The following IP6K2 variants were observed in gnomAD, a reference collection of about 807,000 sequenced individuals.
IP6K2 encodes the protein ATP:1D-myo-inositol-hexakisphosphate phosphotransferase.
IP6K2 carries 9 observed loss-of-function variants against 43.3 expected under a neutral mutation model. The observed-to-expected ratio is 0.21, with a 90% CI of 0.13 to 0.36. The LOEUF (loss-of-function observed/expected upper bound fraction) is 0.36. Ranked by LOEUF, IP6K2 falls within the 10% of genes least tolerant of loss-of-function variation. The pLI, the probability that IP6K2 is intolerant of heterozygous loss-of-function variation, is 1.00. For synonymous variants in IP6K2, 209 were observed against 202.4 expected (o/e 1.03, Z -0.28); for missense variants, 332 against 538.4 (o/e 0.62, Z 3.79).
chr3:48,699,950 G>T (rs1173472473), intron 1 of IP6K2, among the ~76,000 whole-genome samples: 1 of 152,210 alleles, frequency 6.6e-6, no homozygotes, highest in Admixed American at 6.5e-5. Context: ...AGCACTTTGG[G>T]AGGCCAAGAT....
chr3:48,688,655 C>T lies in IP6K2; in HGVS notation c.899G>A (p.Arg300His), dbSNP rs2077522031. 4.3e-6 allele frequency: 7 copies of T among 1,614,096 alleles called. No homozygotes were observed. The highest frequency in any genetic ancestry group is 5.9e-6 in the Non-Finnish European group (7 of 1,180,054). The change falls in exon 6 of 6, where the codon CGC becomes CAC. Residue 300 changes from arginine to histidine, a missense_variant. Coordinates refer to ENST00000328631, the MANE Select transcript of IP6K2 (RefSeq NM_016291.4). This position sits in a 1 kb window ranked among gnomAD's most constrained non-coding sequence, Gnocchi z 5.1. ...GAGCACAGGGCCCAGGAGTTCACGG[C>T]GCAGGTACCGCCCATTGTGGAAGAA... Reference protein sequence around the residue: ...FQFFHNGRYLRRELLGPVLKK... With the variant: ...FQFFHNGRYLHRELLGPVLKK...
At chr3:48,712,910 G>A (rs1188464845) in intron 1 of IP6K2, among the ~76,000 whole-genome samples, 1 of 151,990 alleles carries the variant, frequency 6.6e-6, no homozygotes, top group Non-Finnish European at 1.5e-5. Flanking sequence ...CTACTTAGGA[G>A]GCTGAGGCAA....
At chr3:48,705,623 A>T (rs2079633266) in intron 1 of IP6K2, among the ~76,000 whole-genome samples, 1 of 151,488 alleles carries the variant, frequency 6.6e-6, no homozygotes, top group Admixed American at 6.6e-5. Context: ...ACTGCACTCC[A>T]GCCTGGATGA....
intron 1 of IP6K2, chr3:48,711,339 C>T (rs937084791): frequency 2.0e-5 from 3 of 152,178 alleles, no homozygotes; most frequent in African/African-American, 7.2e-5. Context: ...TCTGGCCTTC[C>T]CAGTGTAAAT....
rs114730105 is a variant in IP6K2, at chr3:48,693,417, C to T, written c.203-238G>A. 2.2e-3 allele frequency: 2,987 copies of T among 1,339,468 alleles called. 38 individuals are homozygous for T. Among genetic ancestry groups the T allele is most frequent in the South Asian group, 0.019 (1,431 of 76,566 alleles). 83.0% of individuals were successfully genotyped at this position (1,339,468 alleles called of 1,614,324 possible). A position where few individuals can be genotyped will look rare whatever the true frequency, so the allele number is the denominator to read the frequency against. On this transcript the variant is annotated intron_variant, in intron 2 of 5. Coordinates refer to ENST00000328631, the MANE Select transcript of IP6K2 (RefSeq NM_016291.4). ...GAGTCTTCCTCTCTGATGTACTCAACGAGGCAAGAGCCAAAGAATTACAAG... is the reference window on the plus strand; with the variant it reads ...GAGTCTTCCTCTCTGATGTACTCAATGAGGCAAGAGCCAAAGAATTACAAG...
At chr3:48,707,114 A>G (rs984423278) in intron 1 of IP6K2, among the ~76,000 whole-genome samples, 2 of 152,214 alleles carry the variant, frequency 1.3e-5, no homozygotes, top group African/African-American at 4.8e-5. Context: ...AGGTGGTAAG[A>G]TCATGATTGC....
intron 1 of IP6K2, among the ~76,000 whole-genome samples, chr3:48,715,681 G>A (rs1383626151): frequency 6.7e-6 from 1 of 150,246 alleles, no homozygotes; most frequent in Admixed American, 6.6e-5. Context: ...TCTAGTCAGT[G>A]TTCTTATCCA....
intron 2 of IP6K2, 109 bp from the exon 3 acceptor site, chr3:48,693,288 T>C (rs748456369): frequency 2.6e-6 from 3 of 1,167,290 alleles, no homozygotes; most frequent in Non-Finnish European, 3.9e-6. Flanking sequence ...TTAGTCTCTA[T>C]GTTGCCAGAG....
rs1206462847 is a variant in IP6K2, at chr3:48,695,606, A to T, written c.-130-185T>A. 1.4e-6 allele frequency: 1 copy of T among 705,742 alleles called. No individual in the cohort carries two copies. Among genetic ancestry groups the T allele is most frequent in the Admixed American group, 3.9e-5 (1 of 25,378 alleles). The allele number at this position is 705,742 out of a possible 1,614,324, so 43.7% of individuals were successfully genotyped here. Reference sequence around the variant, plus strand: ...AGAAAAACAAAAACACTATGAGCTCATGGGGCGGGGTTAGATGCAGACAGG... The same window carrying T: ...AGAAAAACAAAAACACTATGAGCTCTTGGGGCGGGGTTAGATGCAGACAGG... On this transcript the variant is annotated intron_variant, in intron 1 of 5. Transcript: ENST00000328631. The surrounding 1 kb of genome is among the most constrained non-coding windows in gnomAD (Gnocchi z 4.6).
intron 1 of IP6K2, among the ~76,000 whole-genome samples, chr3:48,703,261 GA>G (rs1350072738): frequency 6.6e-6 from 1 of 152,184 alleles, no homozygotes; most frequent in Non-Finnish European, 1.5e-5. Context: ...ACTAGTTAAT[GA>G]AGAATAAACT....
chr3:48,709,472 C>A (rs2080223154), intron 1 of IP6K2, among the ~76,000 whole-genome samples: 1 of 152,170 alleles, frequency 6.6e-6, no homozygotes, highest in African/African-American at 2.4e-5. Flanking sequence ...ACCCACTTGG[C>A]CTGAGTGCAG....
intron 3 of IP6K2, 151 bp from the exon 4 acceptor site, chr3:48,691,633 G>A (rs563211848): frequency 3.5e-6 from 2 of 569,864 alleles, no homozygotes; most frequent in Non-Finnish European, 3.1e-6. Context: ...CTGGCCAACA[G>A]GGTGAAACCC....
intron 1 of IP6K2, among the ~76,000 whole-genome samples, chr3:48,712,167 G>A (rs1327149771): frequency 6.6e-6 from 1 of 151,840 alleles, no homozygotes; most frequent in Non-Finnish European, 1.5e-5. Flanking sequence ...GCTGAAGCAG[G>A]AGGATTGCTT....
At chr3:48,700,392 A>T (rs1197712014) in intron 1 of IP6K2, among the ~76,000 whole-genome samples, 1 of 151,710 alleles carries the variant, frequency 6.6e-6, no homozygotes, top group Non-Finnish European at 1.5e-5. Context: ...GTTTCCCTGG[A>T]AGGCTGGAAA....
rs772269322 is a variant in IP6K2 at position 48,695,100 on chromosome 3, G to A, written c.192C>T (p.Pro64=). The part of the protein sequence containing the change: ...TLPAEMRKFT[P]QYKGVVSVRF... ...GCAGCTGGGACTTACCTTTGTACTG[G>A]GGAGTGAATTTGCGCATCTCAGCAG... Residue 64 remains proline, a synonymous_variant, in exon 2 of 6, where the codon CCC becomes CCT. Transcript: ENST00000328631. The surrounding 1 kb of genome is among the most constrained non-coding windows in gnomAD (Gnocchi z 4.6). The A allele has an allele frequency of 6.2e-6, 10 of 1,613,362 alleles. No homozygotes were observed. Among genetic ancestry groups the A allele is most frequent in the East Asian group, 2.2e-5 (1 of 44,852 alleles).
chr3:48,705,642 G>A (rs1420039905), intron 1 of IP6K2, among the ~76,000 whole-genome samples: 1 of 149,802 alleles, frequency 6.7e-6, no homozygotes, highest in Admixed American at 6.7e-5. Flanking sequence ...GACAGAGCAG[G>A]ACACTGTCTA....
In IP6K2 at chr3:48,689,578, C is replaced by T; in HGVS notation, c.740G>A (p.Ser247Asn). The T allele has an allele frequency of 6.2e-7, 1 of 1,614,140 alleles. No homozygotes were observed. Among genetic ancestry groups the T allele is most frequent in the South Asian group, 1.1e-5 (1 of 91,080 alleles). The change falls in exon 5 of 6, where the codon AGC becomes AAC. Residue 247 changes from serine (S) to asparagine (N), a missense_variant. Ser to Asn is a conservative substitution (Grantham distance 46). Transcript: ENST00000328631. ...AANQIRKCQQ[S>N]TSAVIGVRVC... Reference sequence around the variant, plus strand: ...ACGCACACCAATGACTGCAGATGTGCTCTGCTGACATTTTCGGATCTGGTT... The same window carrying T: ...ACGCACACCAATGACTGCAGATGTGTTCTGCTGACATTTTCGGATCTGGTT...
intron 2 of IP6K2, chr3:48,693,496 TC>T: frequency 1.6e-6 from 2 of 1,280,482 alleles, no homozygotes; most frequent in Non-Finnish European, 2.0e-6. Flanking sequence ...ATTCTTCTAA[TC>T]CTAAAAGACT....
At chr3:48,703,946 G>A (rs1277796477) in intron 1 of IP6K2, among the ~76,000 whole-genome samples, 1 of 151,874 alleles carries the variant, frequency 6.6e-6, no homozygotes, top group Non-Finnish European at 1.5e-5. Flanking sequence ...ACAAAAATTA[G>A]CCAGGCATGG....
Sources: gnomAD v4.1 joint callset for allele counts (sites outside exome capture counted in the v4.1 genomes callset) on GRCh38, gnomAD v4.1.1 for gene constraint, Gnocchi (gnomAD v3.1) non-coding constraint, MANE v1.5 for transcripts, NCBI Gene and HGNC (gene_info 2026-07-23, HGNC 2026-07-21) for gene names.